The following NFASC variants were observed in gnomAD, a reference collection of about 807,000 sequenced individuals.
NFASC encodes neurofascin homolog.
A neutral mutation model predicts 147.5 loss-of-function variants in NFASC; 43 were observed. That is an observed-to-expected ratio of 0.29 (90% confidence interval 0.23 to 0.38). The LOEUF (loss-of-function observed/expected upper bound fraction) is 0.38. Among genes scored for constraint, NFASC ranks in the 10% least tolerant of loss-of-function variants. The pLI is 1.00. For missense variants in NFASC, 1,320 were observed against 1,689.0 expected (o/e 0.78, Z 3.83); for synonymous variants, 622 against 665.5 (o/e 0.93, Z 1.01).
At chr1:204,829,501 G>A (rs544927342) in intron 1 of NFASC, among the ~76,000 whole-genome samples, 1 of 152,184 alleles carries the variant, frequency 6.6e-6, no homozygotes, top group South Asian at 2.1e-4. Flanking sequence ...CCCCTTCCCT[G>A]GGTGGGGATC....
chr1:204,845,816 C>T (rs548534480), intron 1 of NFASC, among the ~76,000 whole-genome samples: 9 of 152,066 alleles, frequency 5.9e-5, no homozygotes, highest in South Asian at 2.1e-4. Context: ...GCAGGAGGAT[C>T]GCTTGAGCCC....
At chr1:204,928,722 T>C (rs2092016107) in intron 2 of NFASC, among the ~76,000 whole-genome samples, 1 of 152,240 alleles carries the variant, frequency 6.6e-6, no homozygotes, top group African/African-American at 2.4e-5. Context: ...CAGACGTCTC[T>C]GTGTCCAAGC....
In NFASC at chr1:204,979,211, G is replaced by T. The variant is rs950663678; in HGVS notation, c.1978+142G>T. On this transcript the variant is annotated intron_variant, in intron 18 of 29. Transcript: ENST00000339876. This position sits in a 1 kb window ranked among gnomAD's most constrained non-coding sequence, Gnocchi z 6.0. ...AACCTCAGAATGTACAGAGGCCTTG[G>T]TGTCTCTTCCTGTGCCTTGGGAAGA... 9 of 934,558 alleles carry T rather than the reference G, an allele frequency of 9.6e-6. No individual in the cohort carries two copies. The highest frequency in any genetic ancestry group is 8.2e-5 in the African/African-American group (5 of 60,972). The allele number at this position is 934,558 out of a possible 1,614,324, so 57.9% of individuals were successfully genotyped here.
intron 28 of NFASC, among the ~76,000 whole-genome samples, chr1:205,011,299 T>C (rs1417477219): frequency 6.6e-6 from 1 of 150,810 alleles, no homozygotes; most frequent in Non-Finnish European, 1.5e-5. Context: ...AGACTAGGAC[T>C]CTGAAGAGCT....
intron 1 of NFASC, among the ~76,000 whole-genome samples, chr1:204,831,380 G>A (rs1441809849): frequency 2.0e-5 from 3 of 150,634 alleles, no homozygotes; most frequent in African/African-American, 7.3e-5. Context: ...GTTCTTTTAA[G>A]GCACACATTG....
At chr1:204,951,870 C>A (rs995422900) in intron 4 of NFASC, 141 bp from the exon 5 acceptor site, 1 of 618,214 alleles carries the variant, frequency 1.6e-6, no homozygotes, top group Non-Finnish European at 2.9e-6. Context: ...TAGAATGGGG[C>A]CCTGTTCACC....
chr1:204,974,649 G>A lies in NFASC; in HGVS notation c.1392-8G>A. The A allele has an allele frequency of 9.9e-6, 16 of 1,614,196 alleles. No individual in the cohort carries two copies. Among genetic ancestry groups the A allele is most frequent in the Non-Finnish European group, 1.3e-5 (15 of 1,180,024 alleles). ...AGGATGCTGTGTGTTCTGCTGCTCT[G>A]TTGTGAGGTTTAAGAATGGGCAAGG... On this transcript the variant is annotated splice_polypyrimidine_tract_variant and splice_region_variant and intron_variant, in intron 13 of 29. Coordinates refer to ENST00000339876, the MANE Select transcript of NFASC (RefSeq NM_001005388.3).
At chr1:204,988,113 C>T (rs1332744950) in intron 22 of NFASC, among the ~76,000 whole-genome samples, 1 of 152,222 alleles carries the variant, frequency 6.6e-6, no homozygotes, top group Non-Finnish European at 1.5e-5. Flanking sequence ...AGGTAACGTA[C>T]CTCGTTAGGA....
Position 204,988,582 on chromosome 1 carries a change from C to A in NFASC, c.2594-51C>A. The A allele has an allele frequency of 4.0e-6, 6 of 1,516,472 alleles. No individual in the cohort carries two copies. The South Asian group carries it at 6.8e-5, about 17-fold the overall frequency. The allele number at this position is 1,516,472 out of a possible 1,614,324, so 93.9% of individuals were successfully genotyped here. ...TCCTCCAGCTTGCAGATTATATAAC[C>A]CATCAATAAATGTTGCTAAAGTTTA... On this transcript the variant is annotated intron_variant, in intron 22 of 29. Transcript: ENST00000339876.
intron 3 of NFASC, among the ~76,000 whole-genome samples, chr1:204,948,112 A>G (rs971852771): frequency 4.6e-5 from 7 of 152,250 alleles, no homozygotes; most frequent in Non-Finnish European, 1.0e-4. Context: ...GAGCCAGGGA[A>G]AGAAAAGAGG....
rs1288327632 is a variant in NFASC at position 204,936,194 on chromosome 1, C to CTTTTTTTTTTTTTTTTTT, written c.-90-8029_-90-8028insTTTTTTTTTTTTTTTTTT. ...GCATTAACAGATTCCCTCTCTCTCT[C>CTTTTTTTTTTTTTTTTTT]TTTCTTTTTCTTTTTTTTTTTTTTT... On this transcript the variant is annotated intron_variant, in intron 2 of 29. Coordinates refer to ENST00000339876, the MANE Select transcript of NFASC (RefSeq NM_001005388.3). Among the ~76,000 whole-genome samples the CTTTTTTTTTTTTTTTTTT allele has an allele frequency of 3.1e-5, 2 of 63,814 alleles. 1 individual carries two copies. 41.9% of individuals were successfully genotyped at this position (63,814 alleles called of 152,430 possible).
intron 2 of NFASC, among the ~76,000 whole-genome samples, chr1:204,938,657 G>A (rs919283390): frequency 6.6e-6 from 1 of 152,176 alleles, no homozygotes; most frequent in African/African-American, 2.4e-5. Context: ...CTACCAGGCA[G>A]ATCATTAGCA....
chr1:205,004,930 G>A (rs2096072827), intron 27 of NFASC, among the ~76,000 whole-genome samples: 1 of 152,228 alleles, frequency 6.6e-6, no homozygotes, highest in African/African-American at 2.4e-5. Flanking sequence ...AGACCTGAGG[G>A]GCTACAAACA....
chr1:204,920,772 A>G (rs1439535580), intron 2 of NFASC, 32 bp downstream of exon 2: 1 of 1,083,632 alleles, frequency 9.2e-7, no homozygotes, highest in South Asian at 1.3e-5. Flanking sequence ...GGTATGTGTC[A>G]TTGGAGGGGT....
At chr1:204,898,564 CTATGG>C (rs2149147405) in intron 1 of NFASC, among the ~76,000 whole-genome samples, 1 of 152,348 alleles carries the variant, frequency 6.6e-6, no homozygotes, top group South Asian at 2.1e-4. Flanking sequence ...GCAGAGCACT[CTATGG>C]CTGATCTGGG....
rs1363957907 is a variant in NFASC at position 205,015,079 on chromosome 1, G to A, written c.3492-1229G>A. On this transcript the variant is annotated intron_variant, in intron 29 of 29. Coordinates refer to ENST00000339876, the MANE Select transcript of NFASC (RefSeq NM_001005388.3). This position sits in a 1 kb window ranked among gnomAD's most constrained non-coding sequence, Gnocchi z 4.0. ...GCTTTCAATCTTCTAACACAGCCCC[G>A]GCTCTGGCTCGCTGCCCTCACCTGA... 6.6e-6 allele frequency among the ~76,000 whole-genome samples: 1 copy of A among 152,072 alleles called. No individual in the cohort carries two copies. Among genetic ancestry groups the A allele is most frequent in the Non-Finnish European group, 1.5e-5 (1 of 68,002 alleles).
At chr1:204,966,744 C>T (rs1326631326) in intron 8 of NFASC, among the ~76,000 whole-genome samples, 1 of 152,200 alleles carries the variant, frequency 6.6e-6, no homozygotes. Context: ...TCTTCTTCCC[C>T]TCCAATCCAT....
At chr1:204,843,118 A>G (rs971537141) in intron 1 of NFASC, among the ~76,000 whole-genome samples, 1 of 152,118 alleles carries the variant, frequency 6.6e-6, no homozygotes, top group Non-Finnish European at 1.5e-5. Context: ...GCACCATAAA[A>G]AGTTGCAGCT....
rs981523785 is a variant in NFASC, at chr1:204,954,760, C to T, written c.413-69C>T. 2 of 1,575,806 alleles carry T rather than the reference C, an allele frequency of 1.3e-6. No homozygotes were observed. The highest frequency in any genetic ancestry group is 8.7e-7 in the Non-Finnish European group (1 of 1,151,048). On this transcript the variant is annotated intron_variant, in intron 6 of 29. Coordinates refer to ENST00000339876, the MANE Select transcript of NFASC (RefSeq NM_001005388.3). This position sits in a 1 kb window ranked among gnomAD's most constrained non-coding sequence, Gnocchi z 5.7. Reference sequence around the variant, plus strand: ...GTTTCTCCTCCTTGCATGCCTGCCTCTGACCCTGCTCCTTGCCCCGGGCCC... The same window carrying T: ...GTTTCTCCTCCTTGCATGCCTGCCTTTGACCCTGCTCCTTGCCCCGGGCCC...
Sources: allele counts gnomAD v4.1 joint callset (sites outside exome capture counted in the v4.1 genomes callset), GRCh38; gene constraint gnomAD v4.1.1; non-coding constraint Gnocchi (gnomAD v3.1); transcripts MANE v1.5; gene names NCBI Gene and HGNC (gene_info 2026-07-23, HGNC 2026-07-21).